The following C1QTNF3 variants were observed in gnomAD, a reference collection of about 807,000 sequenced individuals.
C1QTNF3 encodes C1q and TNF related 3.
C1QTNF3 carries 26 observed loss-of-function variants against 32.6 expected under a neutral mutation model. The observed-to-expected ratio is 0.80, with a 90% CI of 0.58 to 1.11. The LOEUF (loss-of-function observed/expected upper bound fraction) is 1.11, where lower values mean the gene tolerates loss of function less well. C1QTNF3 is among the 50% of genes least tolerant of loss of function. C1QTNF3 has a pLI of 0.00. For missense variants in C1QTNF3, 362 were observed against 398.2 expected, an observed-to-expected ratio of 0.91 and a Z score of 0.77; for synonymous variants, 155 against 146.0, an observed-to-expected ratio of 1.06 and a Z score of -0.44.
chr5:34,196,907 G>A, the C1QTNF3 span, among the ~76,000 whole-genome samples: 11 of 152,374 alleles, frequency 7.2e-5, no homozygotes, highest in African/African-American at 1.9e-4. Flanking sequence ...TGATCTGCCC[G>A]CCTCGGCCTC....
At chr5:34,230,487 CCAAAA>C in the C1QTNF3 span, among the ~76,000 whole-genome samples, 1 of 151,926 alleles carries the variant, frequency 6.6e-6, no homozygotes, top group African/African-American at 2.4e-5. Flanking sequence ...CCTTCAAAAA[CCAAAA>C]CAAAATAAAA....
the C1QTNF3 span, among the ~76,000 whole-genome samples, chr5:34,120,640 A>G: frequency 6.6e-6 from 1 of 152,192 alleles, no homozygotes; most frequent in African/African-American, 2.4e-5. Flanking sequence ...ATGATAGTGA[A>G]TAAGTCTCAT....
the C1QTNF3 span, among the ~76,000 whole-genome samples, chr5:34,139,451 T>TA: frequency 6.6e-6 from 1 of 152,136 alleles, no homozygotes; most frequent in South Asian, 2.1e-4. Flanking sequence ...AAATTACTCT[T>TA]GAGATCTTCA....
At chr5:34,141,874 C>T in the C1QTNF3 span, among the ~76,000 whole-genome samples, 1 of 152,028 alleles carries the variant, frequency 6.6e-6, no homozygotes, top group Non-Finnish European at 1.5e-5. Flanking sequence ...CACCCAGAAG[C>T]CAACCCAAGG....
At chr5:34,237,914 G>A in the C1QTNF3 span, among the ~76,000 whole-genome samples, 4 of 152,148 alleles carry the variant, frequency 2.6e-5, no homozygotes, top group Non-Finnish European at 5.9e-5. Flanking sequence ...GAGCACACCT[G>A]CAAACAAAAG....
chr5:34,038,238 T>C (rs1430622410), intron 1 of C1QTNF3, among the ~76,000 whole-genome samples: 2 of 152,136 alleles, frequency 1.3e-5, no homozygotes, highest in Non-Finnish European at 2.9e-5. Flanking sequence ...GCTTTGGAAA[T>C]GGAAGGCTTC....
chr5:34,057,632 T>C, the C1QTNF3 span, among the ~76,000 whole-genome samples: 1 of 152,236 alleles, frequency 6.6e-6, no homozygotes, highest in Admixed American at 6.5e-5. Context: ...GAATATTTAA[T>C]GTATTTTCTA....
chr5:34,027,282 T>C (rs1754486473), intron 4 of C1QTNF3, among the ~76,000 whole-genome samples: 2 of 152,222 alleles, frequency 1.3e-5, no homozygotes, highest in Admixed American at 1.3e-4. Context: ...ACAATTTAAG[T>C]ATATTGGTAC....
At chr5:34,036,625 A>G (rs1754746575) in intron 1 of C1QTNF3, among the ~76,000 whole-genome samples, 1 of 152,220 alleles carries the variant, frequency 6.6e-6, no homozygotes, top group Non-Finnish European at 1.5e-5. Context: ...ACTATTTAAC[A>G]TGATTTCTAT....
the C1QTNF3 span, among the ~76,000 whole-genome samples, chr5:34,082,161 T>C: frequency 6.6e-6 from 1 of 151,612 alleles, no homozygotes; most frequent in Non-Finnish European, 1.5e-5. Flanking sequence ...ATAGCAGATA[T>C]AAATGAGATG....
At chr5:34,142,300 T>A in the C1QTNF3 span, among the ~76,000 whole-genome samples, 11 of 151,996 alleles carry the variant, frequency 7.2e-5, no homozygotes, top group African/African-American at 2.4e-4. Flanking sequence ...AGCATAGTGG[T>A]GCGTGCCTGT....
upstream of C1QTNF3, chr5:34,043,283 G>A: frequency 1.4e-6 from 1 of 697,510 alleles, no homozygotes; most frequent in Admixed American, 2.9e-5. Context: ...ATGCCAGAGT[G>A]ACAGCAGCCC....
the C1QTNF3 span, among the ~76,000 whole-genome samples, chr5:34,232,549 A>C: frequency 1.1e-4 from 16 of 152,116 alleles, no homozygotes; most frequent in Non-Finnish European, 7.3e-5. Flanking sequence ...TTCTCATGAC[A>C]GTGAGTGAGT....
At chr5:34,041,649 A>G (rs1024004655) in intron 1 of C1QTNF3, among the ~76,000 whole-genome samples, 6 of 152,276 alleles carry the variant, frequency 3.9e-5, no homozygotes, top group Non-Finnish European at 8.8e-5. Context: ...TTTTCAAAAG[A>G]TAGGATCATA....
chr5:34,070,182 G>A, the C1QTNF3 span, among the ~76,000 whole-genome samples: 67 of 152,074 alleles, frequency 4.4e-4, no homozygotes, highest in African/African-American at 1.6e-3. Flanking sequence ...CCTCTCACTT[G>A]CACTCATTTC....
the C1QTNF3 span, among the ~76,000 whole-genome samples, chr5:34,232,722 C>A: frequency 3.9e-5 from 6 of 152,022 alleles, no homozygotes; most frequent in East Asian, 1.2e-3. Context: ...GCCTGAAGAA[C>A]TATGAATCAA....
At chr5:34,115,218 G>C in the C1QTNF3 span, among the ~76,000 whole-genome samples, 2 of 151,986 alleles carry the variant, frequency 1.3e-5, no homozygotes, top group African/African-American at 4.8e-5. Context: ...CCTTGTTGCT[G>C]TTTCTTAGTA....
the C1QTNF3 span, among the ~76,000 whole-genome samples, chr5:34,052,586 A>G: frequency 2.0e-5 from 3 of 152,230 alleles, no homozygotes; most frequent in Non-Finnish European, 4.4e-5. Flanking sequence ...TGTCCTTTCT[A>G]AGTCTCAGTT....
chr5:34,218,169 GTTTA>G, the C1QTNF3 span: 11 of 152,406 alleles, frequency 7.2e-5, no homozygotes, highest in South Asian at 6.2e-4. Flanking sequence ...TTGATATATC[GTTTA>G]TTTATTGTTT....
Sources: gnomAD v4.1 joint callset for allele counts (sites outside exome capture counted in the v4.1 genomes callset) on GRCh38, gnomAD v4.1.1 for gene constraint, MANE v1.5 for transcripts, NCBI Gene and HGNC (gene_info 2026-07-23, HGNC 2026-07-21) for gene names.